The following CC2D2B variants were observed in gnomAD, a reference collection of about 807,000 sequenced individuals.
CC2D2B encodes the protein protein CC2D2B.
In CC2D2B, 128 loss-of-function variants were observed where a neutral mutation model predicts 161.2. That is an observed-to-expected ratio of 0.79 (90% CI 0.69 to 0.92). The LOEUF (loss-of-function observed/expected upper bound fraction) is 0.92, where lower values mean the gene tolerates loss of function less well. CC2D2B is among the 40% of genes least tolerant of loss of function. CC2D2B has a pLI of 0.00. For missense variants in CC2D2B, 1,173 were observed against 1,375.1 expected (o/e 0.85, Z 2.32); for synonymous variants, 391 against 449.8 (o/e 0.87, Z 1.65).
chr10:95,965,825 G>GTGTTTT, intron 12 of CC2D2B, 71 bp from the exon 13 acceptor site: 1 of 361,060 alleles, frequency 2.8e-6, no homozygotes, highest in Non-Finnish European at 4.6e-6. Flanking sequence ...GTGTGTGTTG[G>GTGTTTT]CAAAATCTCG....
At chr10:95,936,755 A>G (rs1269396041) in intron 6 of CC2D2B, among the ~76,000 whole-genome samples, 4 of 152,132 alleles carry the variant, frequency 2.6e-5, no homozygotes. Flanking sequence ...GGGCTTATAA[A>G]AAAAAGACCC....
chr10:96,031,492 T>TGTA (rs1279098206), intron 34 of CC2D2B, among the ~76,000 whole-genome samples: 1 of 152,172 alleles, frequency 6.6e-6, no homozygotes, highest in Non-Finnish European at 1.5e-5. Context: ...ATCCCCCATA[T>TGTA]GTAGAATCAA....
At chr10:96,025,656 C>G (rs2079740963) in intron 33 of CC2D2B, among the ~76,000 whole-genome samples, 1 of 152,248 alleles carries the variant, frequency 6.6e-6, no homozygotes, top group African/African-American at 2.4e-5. Flanking sequence ...ACTGCCACAG[C>G]TGGACACTCC....
chr10:95,944,452 A>G (rs2076127660), intron 9 of CC2D2B, among the ~76,000 whole-genome samples: 1 of 152,184 alleles, frequency 6.6e-6, no homozygotes, highest in South Asian at 2.1e-4. Context: ...TATTTATCTT[A>G]TTCTTTGATA....
At chr10:95,983,955 C>T (rs548223563) in intron 19 of CC2D2B, 146 bp downstream of exon 19, 16 of 412,474 alleles carry the variant, frequency 3.9e-5, no homozygotes, top group African/African-American at 2.0e-4. Flanking sequence ...TAAAAATATA[C>T]GTATCTCCCA....
intron 5 of CC2D2B, among the ~76,000 whole-genome samples, chr10:95,927,013 AT>A (rs2098540640): frequency 6.6e-6 from 1 of 152,120 alleles, no homozygotes; most frequent in African/African-American, 2.4e-5. Flanking sequence ...CTGGCTGTAT[AT>A]TCTGGCTTTT....
rs369417630 is a variant in CC2D2B, at chr10:96,016,222, G to A, written c.3538G>A (p.Gly1180Arg). Residue 1180 changes from glycine (G) to arginine (R), a missense_variant, in exon 30 of 35, where the codon GGA becomes AGA. Gly to Arg is a moderately radical substitution (Grantham distance 125). Around this residue, in one of 3 missense-constraint regions of CC2D2B, gnomAD observed 598 missense variants for 693.2 expected, o/e 0.86. Transcript: ENST00000646931. ...TTAGCACTGCATCAGTTTAGCTATC[G>A]GAAATAAGGAGGAGCATGCCATCCT... ...TSEHCISLAI[G>R]NKEEHAILLC... is the part of the protein sequence containing the mutation. 66 of 1,611,414 alleles carry A rather than the reference G, an allele frequency of 4.1e-5. No individual in the cohort carries two copies. The highest frequency in any genetic ancestry group is 1.3e-4 in the East Asian group (6 of 44,874).
intron 33 of CC2D2B, among the ~76,000 whole-genome samples, chr10:96,026,044 A>G (rs1370362584): frequency 6.6e-6 from 1 of 152,222 alleles, no homozygotes; most frequent in Non-Finnish European, 1.5e-5. Context: ...AGGTATGAGC[A>G]TCCCTGGATC....
Position 95,988,235 on chromosome 10 carries a change from C to T in CC2D2B, c.2287-15C>T, listed in dbSNP as rs2077807819. ...TGTTACATTCAAGAAGTGAAACTAA[C>T]AATTCTGTATTTAGGAGTATGAAAG... On this transcript the variant is annotated splice_polypyrimidine_tract_variant and intron_variant, in intron 19 of 34. Coordinates refer to ENST00000646931, the MANE Select transcript of CC2D2B (RefSeq NM_001349008.3). 14 of 1,092,272 alleles carry T rather than the reference C, an allele frequency of 1.3e-5. No homozygotes were observed. The highest frequency in any genetic ancestry group is 1.5e-5 in the Non-Finnish European group (13 of 859,200). 67.7% of individuals were successfully genotyped at this position (1,092,272 alleles called of 1,614,324 possible).
In CC2D2B at chr10:95,912,035, C is replaced by T. The variant is rs140722429; in HGVS notation, c.36+676C>T. Among the ~76,000 whole-genome samples, 253 of 152,126 alleles carry T rather than the reference C, an allele frequency of 1.7e-3. 1 individual carries two copies. Among genetic ancestry groups the T allele is most frequent in the Non-Finnish European group, 2.9e-3 (199 of 67,950 alleles). On this transcript the variant is annotated intron_variant, in intron 2 of 34. Coordinates refer to ENST00000646931, the MANE Select transcript of CC2D2B (RefSeq NM_001349008.3). ...CGAATAGTAGATTTTGAAGTTTTTT[C>T]GGAAAGTTTATAGACTGGGCTCTTT...
chr10:95,961,594 G>T (rs377408795), intron 11 of CC2D2B: 2 of 306,558 alleles, frequency 6.5e-6, no homozygotes, highest in East Asian at 1.0e-4. Context: ...TTGCATTTTA[G>T]CAGGGCACTT....
At chr10:95,956,583 A>C (rs973576018) in intron 11 of CC2D2B, among the ~76,000 whole-genome samples, 1 of 152,132 alleles carries the variant, frequency 6.6e-6, no homozygotes. Flanking sequence ...GAAGAAGAAG[A>C]AGCACTAGGA....
At chr10:95,928,192 C>T (rs944109799) in intron 6 of CC2D2B, among the ~76,000 whole-genome samples, 2 of 151,650 alleles carry the variant, frequency 1.3e-5, no homozygotes, top group Non-Finnish European at 2.9e-5. Flanking sequence ...CTGCTCCAGT[C>T]CTTTCATTCT....
intron 19 of CC2D2B, among the ~76,000 whole-genome samples, chr10:95,985,747 C>A (rs1175604183): frequency 6.6e-6 from 1 of 152,142 alleles, no homozygotes; most frequent in Non-Finnish European, 1.5e-5. Flanking sequence ...TCTCTTCTGT[C>A]AAAAGCAAAT....
intron 6 of CC2D2B, among the ~76,000 whole-genome samples, chr10:95,937,684 T>C (rs1343699905): frequency 6.6e-6 from 1 of 152,198 alleles, no homozygotes; most frequent in East Asian, 1.9e-4. Flanking sequence ...GTATTCTCAG[T>C]AGTTGAAATA....
chr10:96,026,185 C>G (rs1387273144), intron 33 of CC2D2B, among the ~76,000 whole-genome samples: 1 of 152,178 alleles, frequency 6.6e-6, no homozygotes, highest in Non-Finnish European at 1.5e-5. Flanking sequence ...ACCTCCAGCA[C>G]CTTCCTCTAT....
At chr10:95,917,115 A>G (rs538900613) in intron 2 of CC2D2B, among the ~76,000 whole-genome samples, 2 of 152,228 alleles carry the variant, frequency 1.3e-5, no homozygotes, top group East Asian at 3.9e-4. Context: ...CATCCTCTTG[A>G]TGAATTGATC....
At chr10:95,980,141 T>A (rs1296349255) in intron 17 of CC2D2B, among the ~76,000 whole-genome samples, 2 of 139,278 alleles carry the variant, frequency 1.4e-5, no homozygotes, top group African/African-American at 5.4e-5. Context: ...ATCACCAAAG[T>A]AGAAATCTTC....
At chr10:95,959,098 C>G (rs1590605415) in intron 11 of CC2D2B, among the ~76,000 whole-genome samples, 1 of 152,116 alleles carries the variant, frequency 6.6e-6, no homozygotes, top group East Asian at 1.9e-4. Context: ...ACACAAAATA[C>G]AACTAATCAA....
Sources: allele counts gnomAD v4.1 joint callset (sites outside exome capture counted in the v4.1 genomes callset), GRCh38; gene constraint gnomAD v4.1.1; regional missense constraint gnomAD v4.1.1; transcripts MANE v1.5; gene names NCBI Gene and HGNC (gene_info 2026-07-23, HGNC 2026-07-21).